GSTO2: variants seen among roughly 807,000 people sequenced by gnomAD.
The protein encoded by GSTO2 is glutathione S-transferase omega 2, also known as glutathione S-transferase omega-2.
A neutral mutation model predicts 28.4 loss-of-function variants in GSTO2; 23 were observed. The ratio of observed to expected loss-of-function variants is 0.81; its 90% confidence interval spans 0.58 to 1.15. The LOEUF (loss-of-function observed/expected upper bound fraction) is 1.15, where lower values mean the gene tolerates loss of function less well. Ranked by LOEUF, GSTO2 falls within the 50% of genes most tolerant of loss-of-function variation. The pLI is 0.00. For synonymous variants in GSTO2, 109 were observed against 111.0 expected, an observed-to-expected ratio of 0.98 and a Z score of 0.11; for missense variants, 298 against 297.8, an observed-to-expected ratio of 1.00 and a Z score of 0.00.
rs879585556 is a variant in GSTO2 at position 104,292,466 on chromosome 10, CT to C, written c.469-5098del. 3.9e-3 allele frequency among the ~76,000 whole-genome samples: 559 copies of C among 142,586 alleles called. 2 individuals are homozygous for C. The highest frequency in any genetic ancestry group is 0.032 in the South Asian group (144 of 4,466). The allele number at this position is 142,586 out of a possible 152,430, so 93.5% of individuals were successfully genotyped here. A position where few individuals can be genotyped will look rare whatever the true frequency, so the allele number is the denominator to read the frequency against. On this transcript the variant is annotated intron_variant, in intron 5 of 6. Coordinates refer to ENST00000338595, the MANE Select transcript of GSTO2 (RefSeq NM_183239.2). The stretch of plus-strand genomic sequence containing the variant: ...AGGCACAGTGTCTGACCACCAATAT[CT>C]TTTTTTTTTTTTTGAGACAGGATCT...
rs2013204507 is a variant in GSTO2 at position 104,299,720 on chromosome 10, CA to C, written c.*437del. On this transcript the variant is annotated 3_prime_UTR_variant, in exon 7 of 7. Coordinates refer to ENST00000338595, the MANE Select transcript of GSTO2 (RefSeq NM_183239.2). ...CTCCATCTCCTGGCCGCAAGCCATC[CA>C]CCCAACTTGGTCTCCAAAGTGTTGA... 5.5e-6 allele frequency: 1 copy of C among 183,314 alleles called. No homozygotes were observed. The highest frequency in any genetic ancestry group is 2.4e-5 in the African/African-American group (1 of 41,594). 11.4% of individuals were successfully genotyped at this position (183,314 alleles called of 1,614,324 possible).
chr10:104,286,645 A>G (rs276210), intron 5 of GSTO2, among the ~76,000 whole-genome samples: 62,282 of 151,908 alleles, frequency 0.41, 15,222 homozygotes, highest in African/African-American at 0.69. Context: ...TTGGGAACTG[A>G]TTATCCCTGA....
At position 104,279,269 on chromosome 10, in the gene GSTO2, C is replaced by A. The variant is rs530666550; in HGVS notation, c.367-101C>A. On this transcript the variant is annotated intron_variant, in intron 4 of 6. Transcript: ENST00000338595. ...TGGGGGGTCTGATGTGGGTGTTGCC[C>A]TGTTAGGCTGGAGTTATAAAGCTTC... 24 of 924,896 alleles carry A rather than the reference C, an allele frequency of 2.6e-5. No individual in the cohort carries two copies. In the African/African-American group the frequency reaches 3.1e-4, roughly 12 times the overall value. 57.3% of individuals were successfully genotyped at this position (924,896 alleles called of 1,614,324 possible).
chr10:104,301,632 G>A lies in GSTO2; in HGVS notation c.*2348G>A, dbSNP rs538535080. ...ATATGCTTCTTAATTAATACATGTG[G>A]AAAGAATACATATGGGTTAAAAATA... On this transcript the variant is annotated 3_prime_UTR_variant, in exon 7 of 7. Coordinates refer to ENST00000338595, the MANE Select transcript of GSTO2 (RefSeq NM_183239.2). 1.3e-5 allele frequency: 2 copies of A among 152,324 alleles called. No homozygotes were observed. Among genetic ancestry groups the A allele is most frequent in the South Asian group, 4.1e-4 (2 of 4,828 alleles). The allele number at this position is 152,324 out of a possible 1,614,324, so 9.4% of individuals were successfully genotyped here.
chr10:104,270,302 C>T (rs1298663168), intron 1 of GSTO2, among the ~76,000 whole-genome samples: 2 of 152,208 alleles, frequency 1.3e-5, no homozygotes, highest in African/African-American at 4.8e-5. Context: ...CGTGAGCCAC[C>T]GCGCCCGGCC....
chr10:104,279,298 G>A, intron 4 of GSTO2, 72 bp from the exon 5 acceptor site: 1 of 1,297,288 alleles, frequency 7.7e-7, no homozygotes, highest in South Asian at 1.2e-5. Flanking sequence ...AAGCTTCGCT[G>A]CCTTTTCAGG....
intron 5 of GSTO2, among the ~76,000 whole-genome samples, chr10:104,292,084 GAA>G (rs1262303597): frequency 6.6e-6 from 1 of 151,984 alleles, no homozygotes; most frequent in African/African-American, 2.4e-5. Context: ...GGTTTTTGAA[GAA>G]AAACACTTTC....
At chr10:104,297,379 G>C (rs1412944941) in intron 5 of GSTO2, 199 bp from the exon 6 acceptor site, 1 of 443,044 alleles carries the variant, frequency 2.3e-6, no homozygotes, top group Non-Finnish European at 4.2e-6. Flanking sequence ...GGAAGGGACA[G>C]AGGTGGCCAG....
rs1170386319 is a variant in GSTO2, at chr10:104,301,022, A to G, written c.*1738A>G. ...CATGACAGGGGCAGTCTGCCGCACC[A>G]TCTGCTCCGGATGTGGAGCCCTGTT... is the stretch of plus-strand genomic sequence containing the variant. On this transcript the variant is annotated 3_prime_UTR_variant, in exon 7 of 7. Coordinates refer to ENST00000338595, the MANE Select transcript of GSTO2 (RefSeq NM_183239.2). 6.6e-6 allele frequency: 1 copy of G among 152,246 alleles called. No individual in the cohort carries two copies. The highest frequency in any genetic ancestry group is 1.5e-5 in the Non-Finnish European group (1 of 68,070). The allele number at this position is 152,246 out of a possible 1,614,324, so 9.4% of individuals were successfully genotyped here.
chr10:104,291,266 GC>G (rs2012751558), intron 5 of GSTO2: 2 of 152,204 alleles, frequency 1.3e-5, no homozygotes, highest in Non-Finnish European at 2.9e-5. Context: ...AAGTACAGCA[GC>G]CCCCACTGGG....
Position 104,302,656 on chromosome 10 carries a change from A to G in GSTO2, c.*3372A>G, listed in dbSNP as rs552889679. On this transcript the variant is annotated 3_prime_UTR_variant, in exon 7 of 7. Coordinates refer to ENST00000338595, the MANE Select transcript of GSTO2 (RefSeq NM_183239.2). ...ATTTCGTGTTGAAATGTAATCCCCA[A>G]TGCTGGTGGGAGGTGATTGGATCAT... 1.3e-5 allele frequency: 2 copies of G among 152,376 alleles called. No homozygotes were observed. Among genetic ancestry groups the G allele is most frequent in the South Asian group, 4.1e-4 (2 of 4,830 alleles). The allele number at this position is 152,376 out of a possible 1,614,324, so 9.4% of individuals were successfully genotyped here.
rs1184057767 is a variant in GSTO2, at chr10:104,299,993, G to A, written c.*709G>A. On this transcript the variant is annotated 3_prime_UTR_variant, in exon 7 of 7. Coordinates refer to ENST00000338595, the MANE Select transcript of GSTO2 (RefSeq NM_183239.2). ...AAAGACCTCCCTGGTGAAAGCTTAA[G>A]AAGAGGGAGAAGGAAGAAGAAAACA... 1 of 152,418 alleles carries A rather than the reference G, an allele frequency of 6.6e-6. No individual in the cohort carries two copies. Among genetic ancestry groups the A allele is most frequent in the Non-Finnish European group, 1.5e-5 (1 of 68,218 alleles). 9.4% of individuals were successfully genotyped at this position (152,418 alleles called of 1,614,324 possible).
At chr10:104,269,393 A>G (rs559136536) in intron 1 of GSTO2, 124 bp downstream of exon 1, 1 of 152,252 alleles carries the variant, frequency 6.6e-6, no homozygotes, top group Admixed American at 6.5e-5. Flanking sequence ...TTTGCCTAAC[A>G]CTTTACGAGA....
chr10:104,286,232 G>C (rs961033311), intron 5 of GSTO2, among the ~76,000 whole-genome samples: 1 of 152,090 alleles, frequency 6.6e-6, no homozygotes, highest in South Asian at 2.1e-4. Flanking sequence ...CAGAAAAACT[G>C]CTCACTTGTA....
chr10:104,281,178 A>G (rs563343929), intron 5 of GSTO2, among the ~76,000 whole-genome samples: 32 of 152,334 alleles, frequency 2.1e-4, no homozygotes, highest in African/African-American at 7.7e-4. Flanking sequence ...AGATTGTTCT[A>G]GACACTGCTT....
At chr10:104,286,528 A>T (rs1454814260) in intron 5 of GSTO2, among the ~76,000 whole-genome samples, 1 of 152,252 alleles carries the variant, frequency 6.6e-6, no homozygotes, top group Non-Finnish European at 1.5e-5. Context: ...TGTGAACACC[A>T]TGCAGGTTTT....
chr10:104,271,471 T>G (rs1280964452), intron 1 of GSTO2, among the ~76,000 whole-genome samples: 3 of 152,210 alleles, frequency 2.0e-5, no homozygotes, highest in Admixed American at 6.5e-5. Flanking sequence ...TACTCACAAT[T>G]CATAAAGTAG....
chr10:104,277,730 A>G (rs34090030), intron 3 of GSTO2, among the ~76,000 whole-genome samples, 164 bp from the exon 4 acceptor site: 1 of 152,238 alleles, frequency 6.6e-6, no homozygotes, highest in Non-Finnish European at 1.5e-5. Flanking sequence ...ATCTTACTGC[A>G]GGAAGGAAGA....
intron 3 of GSTO2, among the ~76,000 whole-genome samples, chr10:104,277,014 C>T (rs2011670900): frequency 6.6e-6 from 1 of 152,088 alleles, no homozygotes; most frequent in Admixed American, 6.6e-5. Context: ...ATACATATCC[C>T]CACCACAGTA....
Sources: gnomAD v4.1 joint callset for allele counts (sites outside exome capture counted in the v4.1 genomes callset) on GRCh38, gnomAD v4.1.1 for gene constraint, MANE v1.5 for transcripts, NCBI Gene and HGNC (gene_info 2026-07-23, HGNC 2026-07-21) for gene names.